FRMD5: variants seen among roughly 807,000 people sequenced by gnomAD.
FRMD5 encodes FERM domain-containing protein 5.
In FRMD5, 20 loss-of-function variants were observed where a neutral mutation model predicts 69.0. The observed-to-expected ratio is 0.29, with a 90% confidence interval of 0.20 to 0.42. FRMD5 has a LOEUF of 0.42. FRMD5 is among the 10% of genes least tolerant of loss of function. The probability of loss-of-function intolerance (pLI) is 1.00; values close to 1 mark genes in which losing one functional copy is unlikely to be tolerated. For synonymous variants in FRMD5, 271 were observed against 260.1 expected, an observed-to-expected ratio of 1.04 and a Z score of -0.40; for missense variants, 595 against 708.6, an observed-to-expected ratio of 0.84 and a Z score of 1.82.
At chr15:43,918,415 ACT>A (rs2089434153) in intron 4 of FRMD5, among the ~76,000 whole-genome samples, 3 of 152,040 alleles carry the variant, frequency 2.0e-5, no homozygotes, top group Admixed American at 6.5e-5. Flanking sequence ...CAAGAGCGAA[ACT>A]CTGTCTCAAA....
chr15:43,977,461 C>G (rs1383757497), intron 1 of FRMD5, among the ~76,000 whole-genome samples: 1 of 152,080 alleles, frequency 6.6e-6, no homozygotes, highest in Non-Finnish European at 1.5e-5. Flanking sequence ...GGGAGGTGGC[C>G]TTCCTCTGGT....
Position 43,917,484 on chromosome 15 carries a change from G to A in FRMD5, c.329+1975C>T, listed in dbSNP as rs150290396. Reference sequence around the variant, plus strand: ...TGGCTTACTGCAACCTCCACCTCACGGGTTCAAGTGATTCTCCTGCCTCAG... The same window carrying A: ...TGGCTTACTGCAACCTCCACCTCACAGGTTCAAGTGATTCTCCTGCCTCAG... On this transcript the variant is annotated intron_variant, in intron 4 of 13. Transcript: ENST00000417257. 1.7e-3 allele frequency among the ~76,000 whole-genome samples: 261 copies of A among 152,242 alleles called. 2 individuals carry two copies. The highest frequency in any genetic ancestry group is 2.8e-3 in the Non-Finnish European group (191 of 68,008).
rs190667887 is a variant in FRMD5 at position 44,081,618 on chromosome 15, C to T, written c.102+113335G>A. ...GATTCTTTCTCTGTGCTTTGGAACT[C>T]AGAGGATTAATAAAAAGAATTATTA... On this transcript the variant is annotated intron_variant, in intron 1 of 13. Transcript: ENST00000417257. Among the ~76,000 whole-genome samples, 6 of 152,110 alleles carry T rather than the reference C, an allele frequency of 3.9e-5. No homozygotes were observed. The East Asian group carries it at 1.2e-3, about 29-fold the overall frequency.
At chr15:43,915,887 C>G (rs1401616318) in intron 4 of FRMD5, among the ~76,000 whole-genome samples, 1 of 152,176 alleles carries the variant, frequency 6.6e-6, no homozygotes, top group African/African-American at 2.4e-5. Context: ...ATGGAGGGCT[C>G]TAAGCCAGGG....
chr15:44,013,024 C>A lies in FRMD5; in HGVS notation c.103-88715G>T, dbSNP rs143915249. 8.6e-3 allele frequency among the ~76,000 whole-genome samples: 1,304 copies of A among 152,224 alleles called. 6 individuals are homozygous for A. Among genetic ancestry groups the A allele is most frequent in the Admixed American group, 0.014 (213 of 15,282 alleles). ...CAGGTGATCCGCCCTCCTTGGCCTC[C>A]CAAAGTGCTGGGATTACAGGTGTGA... is the stretch of plus-strand genomic sequence containing the variant. On this transcript the variant is annotated intron_variant, in intron 1 of 13. Coordinates refer to ENST00000417257, the MANE Select transcript of FRMD5 (RefSeq NM_032892.5).
chr15:43,876,038 T>C, intron 13 of FRMD5: 1 of 1,185,930 alleles, frequency 8.4e-7, no homozygotes. Flanking sequence ...CACTATATTG[T>C]GTGGCCACTT....
intron 1 of FRMD5, among the ~76,000 whole-genome samples, chr15:43,960,083 A>G (rs1209994093): frequency 6.7e-6 from 1 of 150,190 alleles, no homozygotes; most frequent in Non-Finnish European, 1.5e-5. Flanking sequence ...ATGCCCAGCT[A>G]ATTTTGTTTT....
At position 44,150,119 on chromosome 15, in the gene FRMD5, TA is replaced by T. The variant is rs1413692601; in HGVS notation, c.102+44833del. Among the ~76,000 whole-genome samples the T allele has an allele frequency of 2.0e-5, 3 of 152,134 alleles. No homozygotes were observed. In the East Asian group the frequency reaches 5.8e-4, roughly 29 times the overall value. ...GACAAAAATCAACAGCTTTTTGTGA[TA>T]AAAACATTCAACAAACTAGGAATAG... On this transcript the variant is annotated intron_variant, in intron 1 of 13. Coordinates refer to ENST00000417257, the MANE Select transcript of FRMD5 (RefSeq NM_032892.5).
chr15:44,116,549 T>C (rs1359868387), intron 1 of FRMD5, among the ~76,000 whole-genome samples: 1 of 152,172 alleles, frequency 6.6e-6, no homozygotes, highest in Non-Finnish European at 1.5e-5. Flanking sequence ...GTAGACATGT[T>C]GTTGCCAGCA....
chr15:44,184,879 T>A (rs539941670), intron 1 of FRMD5, among the ~76,000 whole-genome samples: 1 of 152,214 alleles, frequency 6.6e-6, no homozygotes, highest in Non-Finnish European at 1.5e-5. Context: ...AATGACACAC[T>A]GAAAGATCTC....
intron 1 of FRMD5, among the ~76,000 whole-genome samples, chr15:44,035,222 C>G (rs1295937857): frequency 6.6e-6 from 1 of 152,084 alleles, no homozygotes; most frequent in Non-Finnish European, 1.5e-5. Context: ...TCTACATAAC[C>G]AGTGGTTTTA....
chr15:43,926,758 C>G (rs1312297286), intron 1 of FRMD5, among the ~76,000 whole-genome samples: 1 of 151,456 alleles, frequency 6.6e-6, no homozygotes, highest in Non-Finnish European at 1.5e-5. Context: ...AATAAAAATT[C>G]CAGACAGCAG....
intron 13 of FRMD5, among the ~76,000 whole-genome samples, chr15:43,878,126 CT>C (rs2088416423): frequency 6.6e-6 from 1 of 152,196 alleles, no homozygotes; most frequent in Non-Finnish European, 1.5e-5. Flanking sequence ...CCTCAGCCTC[CT>C]GAGTAGCTGG....
intron 1 of FRMD5, among the ~76,000 whole-genome samples, chr15:44,007,366 A>G (rs1479356451): frequency 1.3e-5 from 2 of 152,166 alleles, no homozygotes; most frequent in African/African-American, 2.4e-5. Flanking sequence ...TGATTCTGCA[A>G]TATCTCCAAG....
At chr15:43,916,471 G>C (rs1173906862) in intron 4 of FRMD5, among the ~76,000 whole-genome samples, 3 of 152,200 alleles carry the variant, frequency 2.0e-5, no homozygotes, top group Non-Finnish European at 4.4e-5. Context: ...AATGAATCTG[G>C]CAACGAAATA....
At chr15:43,972,161 C>T (rs866117877) in intron 1 of FRMD5, among the ~76,000 whole-genome samples, 7 of 151,144 alleles carry the variant, frequency 4.6e-5, no homozygotes, top group African/African-American at 1.7e-4. Context: ...ACTGAATATG[C>T]CTCAGATGTA....
intron 1 of FRMD5, among the ~76,000 whole-genome samples, chr15:44,093,574 CTT>C (rs1028573519): frequency 1.7e-4 from 24 of 141,792 alleles, no homozygotes; most frequent in African/African-American, 3.1e-4. Context: ...ACCATGCTAT[CTT>C]TTTTTTTTTT....
At chr15:43,966,871 T>C (rs1285540821) in intron 1 of FRMD5, among the ~76,000 whole-genome samples, 3 of 152,156 alleles carry the variant, frequency 2.0e-5, no homozygotes, top group Non-Finnish European at 2.9e-5. Flanking sequence ...AGTGGTGTTC[T>C]AGGATGATTT....
At chr15:44,003,319 C>T (rs773599289) in intron 1 of FRMD5, among the ~76,000 whole-genome samples, 8 of 152,198 alleles carry the variant, frequency 5.3e-5, no homozygotes, top group Non-Finnish European at 1.2e-4. Flanking sequence ...TCTACCCTTG[C>T]CCCTTAATCA....
Sources: allele counts gnomAD v4.1 joint callset (sites outside exome capture counted in the v4.1 genomes callset), GRCh38; gene constraint gnomAD v4.1.1; transcripts MANE v1.5; gene names NCBI Gene and HGNC (gene_info 2026-07-23, HGNC 2026-07-21).